Variants in NMD3 observed in about 807,000 individuals in gnomAD.
The protein encoded by NMD3 is NMD3 ribosome export adaptor, also known as 60S ribosomal export protein NMD3.
In NMD3, 47 loss-of-function variants were observed where a neutral mutation model predicts 73.1. That is an observed-to-expected ratio of 0.64 (90% confidence interval 0.51 to 0.82). NMD3 has a LOEUF of 0.82. NMD3 is among the 40% of genes least tolerant of loss of function. The pLI, the probability that NMD3 is intolerant of heterozygous loss-of-function variation, is 0.00. For synonymous variants in NMD3, 210 were observed against 194.5 expected (o/e 1.08, Z -0.66); for missense variants, 554 against 612.5 (o/e 0.90, Z 1.01).
chr3:161,224,800 C>CT, intron 2 of NMD3, 130 bp from the exon 3 acceptor site: 1 of 913,504 alleles, frequency 1.1e-6, no homozygotes, highest in South Asian at 1.9e-5. Context: ...TGCTTTGTTT[C>CT]TGTTATTTTT....
intron 4 of NMD3, among the ~76,000 whole-genome samples, chr3:161,231,403 GAGA>G (rs1394055424): frequency 3.9e-5 from 6 of 152,300 alleles, no homozygotes; most frequent in East Asian, 3.9e-4. Context: ...AATATTTTGG[GAGA>G]AGAAGAACTC....
At chr3:161,253,080 G>C (rs1711507928), downstream of NMD3, 1 of 216,564 alleles carries the variant, frequency 4.6e-6, no homozygotes, top group African/African-American at 2.3e-5. Context: ...CTGGGCGACA[G>C]AGTGAGACTC....
downstream of NMD3, chr3:161,252,984 C>G: frequency 2.8e-6 from 1 of 362,756 alleles, no homozygotes; most frequent in Non-Finnish European, 5.0e-6. Context: ...ATAGTCCCAG[C>G]TACTCGGGAC....
chr3:161,233,354 C>A, intron 4 of NMD3, 45 bp from the exon 5 acceptor site: 6 of 1,367,676 alleles, frequency 4.4e-6, no homozygotes, highest in Non-Finnish European at 6.2e-6. Context: ...TTTTTTTCCT[C>A]CTAGGTGAGA....
rs759743763 is a variant in NMD3, at chr3:161,238,833, T to C, written c.753+7T>C. Reference sequence around the variant, plus strand: ...AATTGTTCCAATATGCAAGGTACTTTTCTTTTTCATTTAATCCATATCTGT... The same window carrying C: ...AATTGTTCCAATATGCAAGGTACTTCTCTTTTTCATTTAATCCATATCTGT... On this transcript the variant is annotated splice_region_variant and intron_variant, in intron 9 of 15. Transcript: ENST00000351193. 37 of 1,324,540 alleles carry C rather than the reference T, an allele frequency of 2.8e-5. No homozygotes were observed. In the Admixed American group the frequency reaches 6.7e-4, roughly 24 times the overall value. 82.0% of individuals were successfully genotyped at this position (1,324,540 alleles called of 1,614,324 possible).
Position 161,240,959 on chromosome 3 carries a change from G to A in NMD3, c.754-87G>A, listed in dbSNP as rs1258933697. 7.2e-6 allele frequency: 5 copies of A among 695,112 alleles called. No homozygotes were observed. The East Asian group carries it at 8.5e-5, about 12-fold the overall frequency. 43.1% of individuals were successfully genotyped at this position (695,112 alleles called of 1,614,324 possible). On this transcript the variant is annotated intron_variant, in intron 9 of 15. Transcript: ENST00000351193. ...AAAATAACGTTTTGGTTGGTCAAAT[G>A]CAATTGGATTGGGTGTTTATTGATG... is the stretch of plus-strand genomic sequence containing the variant.
At chr3:161,233,081 A>G (rs2108083054) in intron 4 of NMD3, among the ~76,000 whole-genome samples, 2 of 151,818 alleles carry the variant, frequency 1.3e-5, no homozygotes, top group East Asian at 3.9e-4. Context: ...CTTTCCTCCA[A>G]AAAATATAAT....
chr3:161,250,746 T>G, intron 15 of NMD3, 34 bp from the exon 16 acceptor site: 1 of 1,348,376 alleles, frequency 7.4e-7, no homozygotes, highest in Non-Finnish European at 1.0e-6. Flanking sequence ...TATAAATACT[T>G]TGTATTTATT....
intron 12 of NMD3, 28 bp downstream of exon 12, chr3:161,246,476 C>A: frequency 1.9e-6 from 2 of 1,034,768 alleles, no homozygotes; most frequent in South Asian, 1.9e-5. Flanking sequence ...TTTTAAACTG[C>A]CAATTAGGAT....
rs538194974 is a variant in NMD3 at position 161,237,293 on chromosome 3, C to T, written c.578-820C>T. Among the ~76,000 whole-genome samples, 26 of 152,092 alleles carry T rather than the reference C, an allele frequency of 1.7e-4. No individual in the cohort carries two copies. In the South Asian group the frequency reaches 4.8e-3, roughly 28 times the overall value. On this transcript the variant is annotated intron_variant, in intron 7 of 15. Coordinates refer to ENST00000351193, the MANE Select transcript of NMD3 (RefSeq NM_015938.5). ...ATGTATTCTTTCTTAGAACTGTGTT[C>T]TATAATCTCAGTTAACTCGACCTTG...
At chr3:161,224,488 C>CT (rs1030828166) in intron 2 of NMD3, among the ~76,000 whole-genome samples, 3 of 151,790 alleles carry the variant, frequency 2.0e-5, no homozygotes, top group East Asian at 3.9e-4. Flanking sequence ...TGCTTTGTTT[C>CT]TTTTTTTTGT....
intron 7 of NMD3, among the ~76,000 whole-genome samples, chr3:161,236,075 A>G (rs994240515): frequency 5.3e-5 from 8 of 152,024 alleles, no homozygotes; most frequent in African/African-American, 1.7e-4. Flanking sequence ...TTTCTAATAC[A>G]TATATTTAAG....
chr3:161,222,729 C>T (rs1028984663), intron 2 of NMD3, among the ~76,000 whole-genome samples: 2 of 152,146 alleles, frequency 1.3e-5, no homozygotes, highest in African/African-American at 2.4e-5. Flanking sequence ...CTTCTTACCA[C>T]AACTACCCTG....
intron 14 of NMD3, 29 bp downstream of exon 14, chr3:161,249,589 T>C: frequency 7.6e-7 from 1 of 1,309,018 alleles, no homozygotes; most frequent in South Asian, 1.2e-5. Flanking sequence ...TCTCTTATGT[T>C]GTCTCAAAGG....
intron 3 of NMD3, among the ~76,000 whole-genome samples, chr3:161,226,673 G>T (rs541120528): frequency 6.6e-6 from 1 of 152,192 alleles, no homozygotes; most frequent in African/African-American, 2.4e-5. Context: ...CTAAGTCCTG[G>T]GTAGGCAGGA....
intron 11 of NMD3, among the ~76,000 whole-genome samples, chr3:161,245,733 T>C (rs1387186110): frequency 2.0e-5 from 3 of 151,928 alleles, no homozygotes; most frequent in Non-Finnish European, 4.4e-5. Flanking sequence ...GTTTAAAAAT[T>C]GGGATGTTGT....
chr3:161,224,878 T>C lies in NMD3; in HGVS notation c.45-52T>C, dbSNP rs1002552351. On this transcript the variant is annotated intron_variant, in intron 2 of 15. Transcript: ENST00000351193. ...GTTTGTTTGGCATCTAAAAAAAAAT[T>C]TAGTGTATTTTAAAAATCTAATGTG... 4.0e-6 allele frequency: 6 copies of C among 1,515,586 alleles called. No individual in the cohort carries two copies. The African/African-American group carries it at 8.5e-5, about 22-fold the overall frequency. 93.9% of individuals were successfully genotyped at this position (1,515,586 alleles called of 1,614,324 possible). A position where few individuals can be genotyped will look rare whatever the true frequency, so the allele number is the denominator to read the frequency against.
chr3:161,231,482 A>T (rs536837893), intron 4 of NMD3, among the ~76,000 whole-genome samples: 1 of 152,200 alleles, frequency 6.6e-6, no homozygotes, highest in Non-Finnish European at 1.5e-5. Flanking sequence ...ATCGCTAGGT[A>T]TTAATATTGT....
At chr3:161,238,001 C>G (rs1031765129) in intron 7 of NMD3, 112 bp from the exon 8 acceptor site, 1 of 708,088 alleles carries the variant, frequency 1.4e-6, no homozygotes, top group Admixed American at 2.8e-5. Context: ...ATAGAGTTTT[C>G]TAATAATTTG....
Sources: gnomAD v4.1 joint callset for allele counts (sites outside exome capture counted in the v4.1 genomes callset) on GRCh38, gnomAD v4.1.1 for gene constraint, MANE v1.5 for transcripts, NCBI Gene and HGNC (gene_info 2026-07-23, HGNC 2026-07-21) for gene names.